Variants in CATSPERB observed in about 807,000 individuals in gnomAD.
CATSPERB encodes the protein catsper channel auxiliary subunit beta.
CATSPERB carries 93 observed loss-of-function variants against 128.3 expected under a neutral mutation model. That is an observed-to-expected ratio of 0.72 (90% CI 0.61 to 0.86). The LOEUF (loss-of-function observed/expected upper bound fraction) is 0.86, where lower values mean the gene tolerates loss of function less well. Ranked by LOEUF, CATSPERB falls within the 40% of genes least tolerant of loss-of-function variation. The pLI is 0.00. For missense variants in CATSPERB, 1,153 were observed against 1,329.5 expected (o/e 0.87, Z 2.06); for synonymous variants, 381 against 448.8 (o/e 0.85, Z 1.91).
intron 15 of CATSPERB, among the ~76,000 whole-genome samples, chr14:91,640,252 A>AT (rs869140538): frequency 4.3e-4 from 42 of 97,834 alleles, no homozygotes; most frequent in South Asian, 7.5e-4. Flanking sequence ...TTATTTTTTT[A>AT]TTTTTTTTTT....
chr14:91,618,851 C>A (rs796958307), intron 19 of CATSPERB, among the ~76,000 whole-genome samples: 21 of 152,278 alleles, frequency 1.4e-4, no homozygotes, highest in African/African-American at 4.8e-4. Context: ...AGCCTTTACC[C>A]GGAGATTTTG....
intron 24 of CATSPERB, among the ~76,000 whole-genome samples, chr14:91,589,259 CATT>C (rs1893355288): frequency 6.6e-6 from 1 of 152,202 alleles, no homozygotes; most frequent in African/African-American, 2.4e-5. Flanking sequence ...TTCAGTCAGT[CATT>C]GTTGTTATTG....
intron 26 of CATSPERB, among the ~76,000 whole-genome samples, chr14:91,582,645 T>C (rs932123835): frequency 1.3e-5 from 2 of 152,198 alleles, no homozygotes; most frequent in African/African-American, 4.8e-5. Context: ...AGTGGTACCT[T>C]TGCTTTAGCC....
At chr14:91,693,322 A>G in intron 8 of CATSPERB, 62 bp downstream of exon 8, 1 of 1,539,528 alleles carries the variant, frequency 6.5e-7, no homozygotes, top group Non-Finnish European at 9.0e-7. Context: ...CATTTTATAG[A>G]TATTAATCAA....
intron 17 of CATSPERB, among the ~76,000 whole-genome samples, chr14:91,630,649 C>T (rs1396658237): frequency 6.6e-6 from 1 of 152,174 alleles, no homozygotes; most frequent in Non-Finnish European, 1.5e-5. Flanking sequence ...CACTCAACTG[C>T]ACCTGCTCCA....
At chr14:91,719,954 C>T (rs550354926) in intron 4 of CATSPERB, among the ~76,000 whole-genome samples, 2 of 152,238 alleles carry the variant, frequency 1.3e-5, no homozygotes, top group African/African-American at 4.8e-5. Context: ...AGGACACCCC[C>T]AGAAGACCAG....
intron 15 of CATSPERB, among the ~76,000 whole-genome samples, chr14:91,639,562 C>A (rs1052273357): frequency 6.6e-6 from 1 of 152,160 alleles, no homozygotes; most frequent in African/African-American, 2.4e-5. Flanking sequence ...ACCAGCAAAT[C>A]AGATTCCTGA....
intron 10 of CATSPERB, among the ~76,000 whole-genome samples, chr14:91,684,492 G>A (rs1480992992): frequency 2.0e-5 from 3 of 151,800 alleles, no homozygotes; most frequent in Non-Finnish European, 4.4e-5. Context: ...CTGTTGGGAT[G>A]TAAGAAAGAC....
rs530336159 is a variant in CATSPERB at position 91,690,282 on chromosome 14, C to A, written c.864+1241G>T. Among the ~76,000 whole-genome samples the A allele has an allele frequency of 5.3e-5, 8 of 152,296 alleles. No individual in the cohort carries two copies. In the East Asian group the frequency reaches 1.5e-3, roughly 29 times the overall value. On this transcript the variant is annotated intron_variant, in intron 10 of 26. Coordinates refer to ENST00000256343, the MANE Select transcript of CATSPERB (RefSeq NM_024764.4). Reference sequence around the variant, plus strand: ...TGCTGGGGTTACAGGCGTGGGCTATCGCGCCTGGCCATAACTTATTTTTTA... The same window carrying A: ...TGCTGGGGTTACAGGCGTGGGCTATAGCGCCTGGCCATAACTTATTTTTTA...
chr14:91,704,125 A>G (rs1396146202), intron 7 of CATSPERB, among the ~76,000 whole-genome samples: 1 of 152,224 alleles, frequency 6.6e-6, no homozygotes, highest in Non-Finnish European at 1.5e-5. Flanking sequence ...TGAAATGGAT[A>G]TAGAGAGAAA....
At position 91,725,103 on chromosome 14, in the gene CATSPERB, A is replaced by G; in HGVS notation, c.145T>C (p.Leu49=). Residue 49 remains leucine, a synonymous_variant, in exon 3 of 27, where the codon TTG becomes CTG. Transcript: ENST00000256343. ...GFPQENEIIK[L]YLFLENLKIQ... is the part of the protein sequence containing the mutation. ...ACCAAGTTTTCTAAGAAAAGATACA[A>G]CTTGATTATTTCATTCTCTTGAGGG... is the stretch of plus-strand genomic sequence containing the variant. The G allele has an allele frequency of 6.3e-7, 1 of 1,585,966 alleles. No individual in the cohort carries two copies. The highest frequency in any genetic ancestry group is 1.2e-5 in the South Asian group (1 of 85,610).
intron 20 of CATSPERB, among the ~76,000 whole-genome samples, chr14:91,615,881 T>C (rs1316802310): frequency 2.5e-5 from 2 of 81,304 alleles, no homozygotes; most frequent in African/African-American, 7.6e-5. Flanking sequence ...TACATACAGT[T>C]TTCCTTTTTT....
intron 22 of CATSPERB, among the ~76,000 whole-genome samples, chr14:91,597,543 A>C (rs1351447964): frequency 6.6e-6 from 1 of 152,210 alleles, no homozygotes; most frequent in African/African-American, 2.4e-5. Context: ...AATCTGACAT[A>C]GGGATCCATA....
Position 91,589,613 on chromosome 14 carries a change from G to A in CATSPERB, c.2877C>T (p.Asn959=), listed in dbSNP as rs541425050. Residue 959 remains asparagine, a synonymous_variant, in exon 24 of 27, where the codon AAC becomes AAT. Coordinates refer to ENST00000256343, the MANE Select transcript of CATSPERB (RefSeq NM_024764.4). ...ATTGCAATGGGACACGTCCATCCTC[G>A]TTGATAATTTCCAAAGAAACTGGAT... ...TQYPVSLEII[N]EDGRVPLQSP... 24 of 1,613,634 alleles carry A rather than the reference G, an allele frequency of 1.5e-5. 1 individual carries two copies. Among genetic ancestry groups the A allele is most frequent in the African/African-American group, 4.0e-5 (3 of 75,022 alleles).
intron 15 of CATSPERB, among the ~76,000 whole-genome samples, chr14:91,653,658 T>C (rs571011933): frequency 4.3e-4 from 65 of 152,290 alleles, no homozygotes; most frequent in African/African-American, 1.5e-3. Flanking sequence ...GTGAGACTTA[T>C]TCACTATCAT....
intron 14 of CATSPERB, among the ~76,000 whole-genome samples, chr14:91,664,512 C>A (rs759865927): frequency 1.3e-5 from 2 of 151,964 alleles, no homozygotes; most frequent in Non-Finnish European, 2.9e-5. Context: ...GTGATCCACC[C>A]GCCTCGGCCT....
chr14:91,654,951 A>G (rs1452074157), intron 15 of CATSPERB, among the ~76,000 whole-genome samples: 5 of 151,734 alleles, frequency 3.3e-5, no homozygotes, highest in African/African-American at 1.2e-4. Flanking sequence ...TAAGAGAACA[A>G]AAGTCTCTTC....
In CATSPERB at chr14:91,725,126, G is replaced by A. The variant is rs755315609; in HGVS notation, c.122C>T (p.Pro41Leu). The stretch of plus-strand genomic sequence containing the variant: ...CAACTTGATTATTTCATTCTCTTGA[G>A]GGAACCCTTTGTTAGAACATGCAAA... ...KRFACSNKGF[P>L]QENEIIKLYL... Residue 41 changes from proline (P) to leucine (L), a missense_variant, in exon 3 of 27, where the codon CCT (proline) becomes CTT (leucine). Pro to Leu is a moderately conservative substitution (Grantham distance 98). Coordinates refer to ENST00000256343, the MANE Select transcript of CATSPERB (RefSeq NM_024764.4). 29 of 1,581,104 alleles carry A rather than the reference G, an allele frequency of 1.8e-5. No individual in the cohort carries two copies. In the South Asian group the frequency reaches 3.3e-4, roughly 18 times the overall value.
intron 10 of CATSPERB, among the ~76,000 whole-genome samples, chr14:91,686,230 T>C (rs976378874): frequency 6.6e-5 from 10 of 152,174 alleles, no homozygotes; most frequent in Non-Finnish European, 1.5e-4. Context: ...TGTTTGTGTA[T>C]TTTTTAATGA....
Sources: allele counts gnomAD v4.1 joint callset (sites outside exome capture counted in the v4.1 genomes callset), GRCh38; gene constraint gnomAD v4.1.1; transcripts MANE v1.5; gene names NCBI Gene and HGNC (gene_info 2026-07-23, HGNC 2026-07-21).